NDUFA10: variants seen among roughly 807,000 people sequenced by gnomAD.
The protein encoded by NDUFA10 is NADH dehydrogenase [ubiquinone] 1 alpha subcomplex subunit 10, mitochondrial.
NDUFA10 carries 40 observed loss-of-function variants against 47.8 expected under a neutral mutation model. That is an observed-to-expected ratio of 0.84 (90% CI 0.65 to 1.09). The LOEUF is 1.09. NDUFA10 is among the 50% of genes least tolerant of loss of function. NDUFA10 has a pLI of 0.00. For missense variants in NDUFA10, 413 were observed against 451.1 expected, an observed-to-expected ratio of 0.92 and a Z score of 0.76; for synonymous variants, 183 against 172.2, an observed-to-expected ratio of 1.06 and a Z score of -0.49.
chr2:239,980,508 T>C (rs945306841), intron 9 of NDUFA10, among the ~76,000 whole-genome samples: 1 of 152,214 alleles, frequency 6.6e-6, no homozygotes, highest in African/African-American at 2.4e-5. Flanking sequence ...GGTAAATACC[T>C]ATTGAGTATA....
rs1202000470 is a variant in NDUFA10 at position 240,014,912 on chromosome 2, T to G, written c.548-52A>C. The G allele has an allele frequency of 1.9e-6, 3 of 1,612,890 alleles. No homozygotes were observed. The South Asian group carries it at 3.3e-5, about 18-fold the overall frequency. On this transcript the variant is annotated intron_variant, in intron 4 of 9. Coordinates refer to ENST00000252711, the MANE Select transcript of NDUFA10 (RefSeq NM_004544.4). ...TCACCTACCAGTCCCCACACGGGTT[T>G]CCAAAACACACTCCTCCTTGAATAA...
chr2:239,902,980 T>C (rs1046489331), intron 4 of NDUFA10, among the ~76,000 whole-genome samples: 1 of 152,230 alleles, frequency 6.6e-6, no homozygotes, highest in African/African-American at 2.4e-5. Flanking sequence ...GCACTCAATC[T>C]ATACAACACC....
At chr2:240,003,077 G>A (rs755590142) in intron 8 of NDUFA10, among the ~76,000 whole-genome samples, 1 of 152,052 alleles carries the variant, frequency 6.6e-6, no homozygotes, top group Non-Finnish European at 1.5e-5. Context: ...CTCGAACTCC[G>A]GGGCTCCAGC....
intron 4 of NDUFA10, among the ~76,000 whole-genome samples, chr2:239,936,314 C>G: frequency 6.6e-6 from 1 of 152,326 alleles, no homozygotes. Flanking sequence ...GCAGTGTCCC[C>G]AGGCAGAGAA....
intron 8 of NDUFA10, among the ~76,000 whole-genome samples, chr2:240,001,614 TG>T (rs555863284): frequency 1.4e-3 from 217 of 152,352 alleles, no homozygotes; most frequent in African/African-American, 5.0e-3. Context: ...GGTGAGTCTC[TG>T]GTATTACAAC....
chr2:239,956,435 T>C (rs939848989), downstream of NDUFA10, among the ~76,000 whole-genome samples: 1 of 152,156 alleles, frequency 6.6e-6, no homozygotes, highest in Non-Finnish European at 1.5e-5. Flanking sequence ...CCCGCTCCTC[T>C]TACAACGTCT....
At chr2:239,984,134 G>A (rs1393817730) in intron 9 of NDUFA10, among the ~76,000 whole-genome samples, 2 of 152,046 alleles carry the variant, frequency 1.3e-5, no homozygotes, top group East Asian at 3.9e-4. Flanking sequence ...TTAGGAGGCT[G>A]AGGCACAAGA....
At chr2:239,922,108 C>CCCTTCCTT (rs1694000273) in intron 4 of NDUFA10, among the ~76,000 whole-genome samples, 3 of 120,438 alleles carry the variant, frequency 2.5e-5, no homozygotes, top group Non-Finnish European at 3.4e-5. Flanking sequence ...CTCCCTTCCT[C>CCCTTCCTT]CCTTCCTTCC....
At chr2:239,918,714 T>A (rs1204490145) in intron 4 of NDUFA10, among the ~76,000 whole-genome samples, 1 of 152,190 alleles carries the variant, frequency 6.6e-6, no homozygotes, top group Non-Finnish European at 1.5e-5. Context: ...AGTTGGTGCC[T>A]CATCCTCACA....
chr2:240,022,269 T>C lies in NDUFA10; in HGVS notation c.147A>G (p.Ala49=), dbSNP rs200830660. Residue 49 remains alanine (A), a synonymous_variant, in exon 2 of 10, where the codon GCA becomes GCG. Coordinates refer to ENST00000252711, the MANE Select transcript of NDUFA10 (RefSeq NM_004544.4). ...TGCTGCGTTCTGTCAGTCTTTTGCTTGCTTTATCCCCAAGTAGGAAATGCC... is the reference window on the plus strand; with the variant it reads ...TGCTGCGTTCTGTCAGTCTTTTGCTCGCTTTATCCCCAAGTAGGAAATGCC... The part of the protein sequence containing the change: ...GMWHFLLGDK[A]SKRLTERSRV... 116 of 1,614,156 alleles carry C rather than the reference T, an allele frequency of 7.2e-5. No individual in the cohort carries two copies. The Admixed American group carries it at 1.2e-3, about 17-fold the overall frequency.
intron 4 of NDUFA10, among the ~76,000 whole-genome samples, chr2:239,950,701 C>G (rs1694536967): frequency 6.6e-6 from 1 of 152,230 alleles, no homozygotes; most frequent in African/African-American, 2.4e-5. Context: ...AGGGCCTGTG[C>G]ATGTCACATG....
chr2:239,920,233 C>A (rs1693945818), intron 4 of NDUFA10, among the ~76,000 whole-genome samples: 1 of 152,204 alleles, frequency 6.6e-6, no homozygotes, highest in African/African-American at 2.4e-5. Flanking sequence ...AGAGGGCCCT[C>A]CCCAGGAACA....
At chr2:239,911,288 A>C (rs1160336265) in intron 4 of NDUFA10, among the ~76,000 whole-genome samples, 3 of 151,952 alleles carry the variant, frequency 2.0e-5, no homozygotes, top group Non-Finnish European at 4.4e-5. Flanking sequence ...CTGCTGCAGG[A>C]AATTTGCGTC....
At chr2:240,025,144 CG>C in intron 1 of NDUFA10, 82 bp downstream of exon 1, 1 of 1,188,378 alleles carries the variant, frequency 8.4e-7, no homozygotes. Flanking sequence ...CGCCAGAGGC[CG>C]GGGGAGATGT....
chr2:239,977,796 T>C (rs1407573121), intron 9 of NDUFA10, among the ~76,000 whole-genome samples: 1 of 152,194 alleles, frequency 6.6e-6, no homozygotes, highest in African/African-American at 2.4e-5. Context: ...TCAATGACAA[T>C]GGCCAACGTG....
At chr2:239,898,442 C>G (rs1314932457) in intron 4 of NDUFA10, among the ~76,000 whole-genome samples, 1 of 144,262 alleles carries the variant, frequency 6.9e-6, no homozygotes, top group Non-Finnish European at 1.5e-5. Flanking sequence ...CTCTTTTTGT[C>G]AGCCCCCGGC....
At chr2:239,918,648 C>T (rs1364484398) in intron 4 of NDUFA10, among the ~76,000 whole-genome samples, 5 of 152,224 alleles carry the variant, frequency 3.3e-5, no homozygotes, top group African/African-American at 7.2e-5. Context: ...GAACAGCTCT[C>T]CACCATTCAC....
chr2:239,908,703 T>A (rs1693698458), intron 4 of NDUFA10, among the ~76,000 whole-genome samples: 1 of 152,242 alleles, frequency 6.6e-6, no homozygotes, highest in African/African-American at 2.4e-5. Flanking sequence ...GATCACTCCC[T>A]TATTCGCAAT....
At chr2:239,963,459 AGTTGTGACCTGTGTCAGACGGGCTGTAG>A (rs1285116826) in intron 9 of NDUFA10, among the ~76,000 whole-genome samples, 3 of 152,218 alleles carry the variant, frequency 2.0e-5, no homozygotes, top group African/African-American at 7.2e-5. Context: ...CTTTGGCCTA[AGTTGTGACCTGTGTCAGACGGGCTGTAG>A]GTGCTATTTC....
Sources: gnomAD v4.1 joint callset for allele counts (sites outside exome capture counted in the v4.1 genomes callset) on GRCh38, gnomAD v4.1.1 for gene constraint, MANE v1.5 for transcripts, NCBI Gene and HGNC (gene_info 2026-07-23, HGNC 2026-07-21) for gene names.